FAT4: variants seen among roughly 807,000 people sequenced by gnomAD.
FAT4 encodes protocadherin Fat 4.
FAT4 carries 84 observed loss-of-function variants against 303.9 expected under a neutral mutation model. That is an observed-to-expected ratio of 0.28 (90% CI 0.23 to 0.33). The LOEUF is 0.33. Among genes scored for constraint, FAT4 ranks in the 10% least tolerant of loss-of-function variants. FAT4 has a pLI of 1.00. For synonymous variants in FAT4, 2,307 were observed against 2,298.8 expected (o/e 1.00, Z -0.10); for missense variants, 6,005 against 6,146.8 (o/e 0.98, Z 0.77).
rs181509526 is a variant in FAT4 at position 125,351,348 on chromosome 4, T to C, written c.5175+29762T>C. Reference sequence around the variant, plus strand: ...ATGCATCATAAATTTCATTTTCATATGGATTTGGTAAATGTGCTTTTAGTT... The same window carrying C: ...ATGCATCATAAATTTCATTTTCATACGGATTTGGTAAATGTGCTTTTAGTT... On this transcript the variant is annotated intron_variant, in intron 2 of 17. Coordinates refer to ENST00000394329, the MANE Select transcript of FAT4 (RefSeq NM_001291303.3). Among the ~76,000 whole-genome samples, 564 of 151,870 alleles carry C rather than the reference T, an allele frequency of 3.7e-3. 6 individuals are homozygous for C. Among genetic ancestry groups the C allele is most frequent in the African/African-American group, 0.013 (542 of 41,526 alleles).
At chr4:125,428,673 C>T (rs529421953) in intron 7 of FAT4, among the ~76,000 whole-genome samples, 6 of 152,248 alleles carry the variant, frequency 3.9e-5, no homozygotes, top group African/African-American at 1.2e-4. Context: ...TATATGAATA[C>T]ATATGTGCAT....
At chr4:125,439,940 G>A (rs9307563) in intron 8 of FAT4, among the ~76,000 whole-genome samples, 65,912 of 151,912 alleles carry the variant, frequency 0.43, 14,486 homozygotes, top group Non-Finnish European at 0.46. Context: ...TTTACAGTTT[G>A]TGAGACAAAC....
At chr4:125,355,452 C>G (rs1732389349) in intron 2 of FAT4, among the ~76,000 whole-genome samples, 1 of 152,108 alleles carries the variant, frequency 6.6e-6, no homozygotes, top group African/African-American at 2.4e-5. Context: ...TGGAGTTGTA[C>G]TGATCTGATG....
In FAT4 at chr4:125,451,035, A is replaced by T. The variant is rs780426651; in HGVS notation, c.10025A>T (p.Asn3342Ile). The change falls in exon 10 of 18, where the codon AAT becomes ATT. Residue 3342 changes from asparagine (N) to isoleucine (I), a missense_variant. Asn to Ile is a moderately radical substitution (Grantham distance 149). Coordinates refer to ENST00000394329, the MANE Select transcript of FAT4 (RefSeq NM_001291303.3). ...GAGGTACACTATTTGATTTTTGGTA[A>T]TAGTCGAAAGAAGGGTTTCCAGATC... ...DGEVHYLIFG[N>I]SRKKGFQINK... 5.0e-6 allele frequency: 8 copies of T among 1,614,038 alleles called. No individual in the cohort carries two copies. The South Asian group carries it at 8.8e-5, about 18-fold the overall frequency.
At chr4:125,323,890 CAG>C (rs1334617079) in intron 2 of FAT4, among the ~76,000 whole-genome samples, 6 of 152,172 alleles carry the variant, frequency 3.9e-5, no homozygotes, top group African/African-American at 1.4e-4. Flanking sequence ...AGGTTTCTGG[CAG>C]AGTCATGCTG....
intron 7 of FAT4, among the ~76,000 whole-genome samples, chr4:125,422,351 C>T (rs1488711621): frequency 6.6e-6 from 1 of 152,122 alleles, no homozygotes; most frequent in Non-Finnish European, 1.5e-5. Flanking sequence ...GCCTGTGTGT[C>T]CACCAAATCG....
At chr4:125,401,873 A>G (rs1272516805) in intron 3 of FAT4, among the ~76,000 whole-genome samples, 3 of 151,878 alleles carry the variant, frequency 2.0e-5, no homozygotes, top group African/African-American at 4.8e-5. Context: ...AATTCCTTCT[A>G]TGTGCTTTTG....
intron 2 of FAT4, among the ~76,000 whole-genome samples, chr4:125,330,501 A>G (rs1426055536): frequency 6.6e-6 from 1 of 152,200 alleles, no homozygotes; most frequent in Admixed American, 6.5e-5. Context: ...TGAACACTAT[A>G]TATGTATAGG....
intron 11 of FAT4, among the ~76,000 whole-genome samples, chr4:125,465,195 T>A (rs1196419465): frequency 6.6e-6 from 1 of 152,194 alleles, no homozygotes; most frequent in African/African-American, 2.4e-5. Context: ...TAGAACACAA[T>A]TTTTTATTTT....
At chr4:125,444,096 G>A (rs950019748) in intron 8 of FAT4, among the ~76,000 whole-genome samples, 1 of 151,936 alleles carries the variant, frequency 6.6e-6, no homozygotes, top group East Asian at 1.9e-4. Context: ...ACAGTCATAC[G>A]GGCAATAGCA....
Position 125,319,314 on chromosome 4 carries a change from C to T in FAT4, c.2903C>T (p.Ala968Val), listed in dbSNP as rs1390864938. Reference protein sequence around the residue: ...HAGSYQIEILASDMGVPQLSS... With the variant: ...HAGSYQIEILVSDMGVPQLSS... ...GGCTCCTACCAAATAGAGATCTTGG[C>T]ATCTGACATGGGTGTCCCACAGCTC... Residue 968 changes from alanine (A) to valine (V), a missense_variant, in exon 2 of 18, where the codon GCA becomes GTA. Transcript: ENST00000394329. 2 of 1,614,034 alleles carry T rather than the reference C, an allele frequency of 1.2e-6. No homozygotes were observed. The highest frequency in any genetic ancestry group is 2.2e-5 in the East Asian group (1 of 44,870).
Position 125,398,803 on chromosome 4 carries a change from A to G in FAT4, c.5195A>G (p.Asp1732Gly). Reference protein sequence around the residue: ...QRAEVEITLQDINDNPPVFPT... With the variant: ...QRAEVEITLQGINDNPPVFPT... The stretch of plus-strand genomic sequence containing the variant: ...TTGTAGGTAGAAATAACACTTCAGG[A>G]TATCAATGACAATCCACCAGTATTT... Residue 1732 changes from aspartate (D) to glycine (G), a missense_variant, in exon 3 of 18, where the codon GAT (aspartate) becomes GGT (glycine). Coordinates refer to ENST00000394329, the MANE Select transcript of FAT4 (RefSeq NM_001291303.3). The G allele has an allele frequency of 6.2e-7, 1 of 1,613,156 alleles. No homozygotes were observed. The highest frequency in any genetic ancestry group is 8.5e-7 in the Non-Finnish European group (1 of 1,179,338).
intron 8 of FAT4, among the ~76,000 whole-genome samples, chr4:125,441,326 G>T (rs1243319101): frequency 2.0e-5 from 3 of 152,170 alleles, no homozygotes; most frequent in Non-Finnish European, 2.9e-5. Flanking sequence ...AGTTTATGGA[G>T]AAATAAAGGA....
intron 12 of FAT4, among the ~76,000 whole-genome samples, chr4:125,470,969 G>C (rs1308295693): frequency 6.6e-6 from 1 of 152,194 alleles, no homozygotes; most frequent in Non-Finnish European, 1.5e-5. Flanking sequence ...TATAAAGTGA[G>C]AGAAATGCAA....
chr4:125,449,551 T>G lies in FAT4; in HGVS notation c.8541T>G (p.Val2847=). 1.1e-5 allele frequency: 17 copies of G among 1,613,366 alleles called. No individual in the cohort carries two copies. Among genetic ancestry groups the G allele is most frequent in the Non-Finnish European group, 1.4e-5 (17 of 1,179,472 alleles). The part of the protein sequence containing the change: ...REDTDRYRIR[V]SAHDSGWTVS... Reference sequence around the variant, plus strand: ...ATACAGACCGTTACAGAATTCGAGTTTCCGCACATGATTCTGGGTGGACTG... The same window carrying G: ...ATACAGACCGTTACAGAATTCGAGTGTCCGCACATGATTCTGGGTGGACTG... The change falls in exon 10 of 18, where the codon GTT becomes GTG. Residue 2847 remains valine (V), a synonymous_variant. Transcript: ENST00000394329.
At chr4:125,326,806 C>T (rs567802663) in intron 2 of FAT4, among the ~76,000 whole-genome samples, 1 of 152,138 alleles carries the variant, frequency 6.6e-6, no homozygotes, top group African/African-American at 2.4e-5. Flanking sequence ...CAGACAATTC[C>T]TTGAGGCCAG....
rs555644632 is a variant in FAT4 at position 125,478,899 on chromosome 4, T to C, written c.12480-842T>C. ...CTCAAAGTGCTTCAATAGCTTCCCA[T>C]CTCACCCAGCTTCAAAGCCAAAATC... On this transcript the variant is annotated intron_variant, in intron 14 of 17. Coordinates refer to ENST00000394329, the MANE Select transcript of FAT4 (RefSeq NM_001291303.3). Among the ~76,000 whole-genome samples, 5 of 152,180 alleles carry C rather than the reference T, an allele frequency of 3.3e-5. No homozygotes were observed. In the South Asian group the frequency reaches 1.0e-3, roughly 32 times the overall value.
Position 125,321,488 on chromosome 4 carries a change from G to A in FAT4, c.5077G>A (p.Ala1693Thr), listed in dbSNP as rs200007224. 8.9e-5 allele frequency: 144 copies of A among 1,614,084 alleles called. No homozygotes were observed. The highest frequency in any genetic ancestry group is 3.3e-4 in the Admixed American group (20 of 60,026). The change falls in exon 2 of 18, where the codon GCA becomes ACA. Residue 1693 changes from alanine (A) to threonine (T), a missense_variant. Transcript: ENST00000394329. The stretch of plus-strand genomic sequence containing the variant: ...ACGACATACTGGTATAATTCAGACC[G>A]CAGCCATTCTGGACCGGGAGCAAGG... The part of the protein sequence containing the change: ...IGRHTGIIQT[A>T]AILDREQGAC...
At chr4:125,446,739 CTAAT>C (rs1199155846) in intron 9 of FAT4, among the ~76,000 whole-genome samples, 196 bp downstream of exon 9, 4 of 151,918 alleles carry the variant, frequency 2.6e-5, no homozygotes, top group Non-Finnish European at 5.9e-5. Context: ...TCTTGCTAGA[CTAAT>C]TGTGTATAAT....
Sources: gnomAD v4.1 joint callset for allele counts (sites outside exome capture counted in the v4.1 genomes callset) on GRCh38, gnomAD v4.1.1 for gene constraint, MANE v1.5 for transcripts, NCBI Gene and HGNC (gene_info 2026-07-23, HGNC 2026-07-21) for gene names.